ST13: variants seen among roughly 807,000 people sequenced by gnomAD.
ST13 encodes ST13 Hsp70 interacting protein.
In ST13, 23 loss-of-function variants were observed where a neutral mutation model predicts 56.7. That is an observed-to-expected ratio of 0.41 (90% CI 0.29 to 0.57). The LOEUF (loss-of-function observed/expected upper bound fraction) is 0.57, where lower values mean the gene tolerates loss of function less well. Ranked by LOEUF, ST13 falls within the 20% of genes least tolerant of loss-of-function variation. The pLI, the probability that ST13 is intolerant of heterozygous loss-of-function variation, is 0.36. For synonymous variants in ST13, 132 were observed against 142.4 expected, an observed-to-expected ratio of 0.93 and a Z score of 0.52; for missense variants, 369 against 459.9, an observed-to-expected ratio of 0.80 and a Z score of 1.81.
intron 7 of ST13, among the ~76,000 whole-genome samples, chr22:40,833,572 A>C (rs1215897630): frequency 1.3e-5 from 2 of 151,332 alleles, no homozygotes; most frequent in Non-Finnish European, 2.9e-5. Context: ...CTCAAAAAAA[A>C]AAAAAAAAAG....
chr22:40,848,474 T>C (rs941162721), intron 2 of ST13, 105 bp from the exon 3 acceptor site: 2 of 789,862 alleles, frequency 2.5e-6, no homozygotes, highest in Non-Finnish European at 4.2e-6. Flanking sequence ...TGGCCAGGCA[T>C]GGCGGCTCAT....
chr22:40,829,101 C>T (rs958495279), intron 10 of ST13, among the ~76,000 whole-genome samples: 5 of 152,282 alleles, frequency 3.3e-5, no homozygotes, highest in Admixed American at 3.3e-4. Context: ...TGTTGCTGTG[C>T]ACATACTCTT....
In ST13 at chr22:40,856,571, G is replaced by T. The variant is rs750769103; in HGVS notation, c.-31C>A. Reference sequence around the variant, plus strand: ...GGAGGTGGTGGGCGAAACTGGGGGGGCTACGGCCCGGTTCCAGGCCCAGGC... The same window carrying T: ...GGAGGTGGTGGGCGAAACTGGGGGGTCTACGGCCCGGTTCCAGGCCCAGGC... On this transcript the variant is annotated 5_prime_UTR_variant, in exon 1 of 12. Coordinates refer to ENST00000216218, the MANE Select transcript of ST13 (RefSeq NM_003932.5). 3.8e-6 allele frequency: 6 copies of T among 1,581,868 alleles called. No individual in the cohort carries two copies. The highest frequency in any genetic ancestry group is 5.2e-6 in the Non-Finnish European group (6 of 1,153,226).
intron 4 of ST13, 90 bp downstream of exon 4, chr22:40,844,749 T>C: frequency 8.9e-7 from 1 of 1,123,456 alleles, no homozygotes. Flanking sequence ...CTATGCGCTT[T>C]TCCTGGAAGA....
chr22:40,844,477 C>G (rs1489866358), intron 4 of ST13, among the ~76,000 whole-genome samples: 1 of 151,976 alleles, frequency 6.6e-6, no homozygotes, highest in Non-Finnish European at 1.5e-5. Flanking sequence ...AGCCCTCCTC[C>G]CAAGAACCAA....
chr22:40,847,263 G>A (rs2057836627), intron 3 of ST13, among the ~76,000 whole-genome samples: 1 of 132,074 alleles, frequency 7.6e-6, no homozygotes, highest in Admixed American at 8.1e-5. Context: ...GCTGGGCATG[G>A]TGGCTCACAT....
At chr22:40,839,015 T>C (rs1442909588) in intron 5 of ST13, among the ~76,000 whole-genome samples, 1 of 151,944 alleles carries the variant, frequency 6.6e-6, no homozygotes, top group Non-Finnish European at 1.5e-5. Flanking sequence ...AATCCTCTGA[T>C]GAAGATCTTA....
chr22:40,850,954 A>C, intron 1 of ST13, 74 bp from the exon 2 acceptor site: 1 of 1,052,082 alleles, frequency 9.5e-7, no homozygotes, highest in East Asian at 2.5e-5. Context: ...TTTACACCTA[A>C]AAAATAACGT....
At chr22:40,853,497 T>C (rs368510621) in intron 1 of ST13, among the ~76,000 whole-genome samples, 4 of 152,348 alleles carry the variant, frequency 2.6e-5, no homozygotes, top group Admixed American at 6.5e-5. Flanking sequence ...CAAGCTACTT[T>C]CTGGCCAAAA....
chr22:40,846,566 TAAA>T (rs2057832292), intron 3 of ST13, among the ~76,000 whole-genome samples: 1 of 152,206 alleles, frequency 6.6e-6, no homozygotes, highest in Non-Finnish European at 1.5e-5. Flanking sequence ...GAGAGTTGGT[TAAA>T]AAATTTATTG....
chr22:40,841,728 G>A (rs2057805464), intron 4 of ST13, among the ~76,000 whole-genome samples: 1 of 151,718 alleles, frequency 6.6e-6, no homozygotes, highest in African/African-American at 2.4e-5. Context: ...AGTGTAGCTG[G>A]AACTACATGC....
At chr22:40,828,371 G>A (rs536564832) in intron 10 of ST13, among the ~76,000 whole-genome samples, 13 of 151,820 alleles carry the variant, frequency 8.6e-5, no homozygotes, top group Admixed American at 2.6e-4. Flanking sequence ...TTGGGAGGCC[G>A]AGGCGGGCAG....
intron 8 of ST13, among the ~76,000 whole-genome samples, chr22:40,831,770 A>G (rs536352135): frequency 4.6e-5 from 7 of 152,256 alleles, no homozygotes; most frequent in Admixed American, 1.3e-4. Context: ...AAATTATTTT[A>G]ACCAACAATT....
chr22:40,837,345 G>A (rs1279230717), intron 5 of ST13, among the ~76,000 whole-genome samples: 1 of 152,202 alleles, frequency 6.6e-6, no homozygotes, highest in African/African-American at 2.4e-5. Flanking sequence ...GCTGGGCACA[G>A]TGGCTCACGC....
intron 3 of ST13, among the ~76,000 whole-genome samples, chr22:40,846,037 A>G (rs544624948): frequency 7.9e-5 from 12 of 152,254 alleles, no homozygotes; most frequent in Admixed American, 5.2e-4. Flanking sequence ...CCCAGGTTCA[A>G]GCAATTGTCC....
intron 1 of ST13, among the ~76,000 whole-genome samples, chr22:40,851,419 C>T (rs1035703220): frequency 5.7e-4 from 86 of 151,984 alleles, no homozygotes; most frequent in African/African-American, 2.0e-3. Context: ...CCTTATACAC[C>T]CCTCCCAACC....
In ST13 at chr22:40,824,732, G is replaced by C. The variant is rs569771493; in HGVS notation, c.*1806C>G. 6.6e-6 allele frequency: 1 copy of C among 152,156 alleles called. No individual in the cohort carries two copies. Among genetic ancestry groups the C allele is most frequent in the East Asian group, 1.9e-4 (1 of 5,194 alleles). 9.4% of individuals were successfully genotyped at this position (152,156 alleles called of 1,614,324 possible). A position where few individuals can be genotyped will look rare whatever the true frequency, so the allele number is the denominator to read the frequency against. The stretch of plus-strand genomic sequence containing the variant: ...AAGCCAAGTACACACTGGCAATTTC[G>C]AGAAAGGAGAACTCTACACATTAAC... On this transcript the variant is annotated 3_prime_UTR_variant, in exon 12 of 12. Transcript: ENST00000216218.
chr22:40,830,944 C>A lies in ST13; in HGVS notation c.694G>T (p.Ala232Ser). The change falls in exon 9 of 12, where the codon GCA becomes TCA. Residue 232 changes from alanine (A) to serine (S), a missense_variant. Coordinates refer to ENST00000216218, the MANE Select transcript of ST13 (RefSeq NM_003932.5). Reference sequence around the variant, plus strand: ...CGCTCATACTTTCTCCGATGTTCTGCAATTTTCTGTGCCTAGAAAAAAGAG... The same window carrying A: ...CGCTCATACTTTCTCCGATGTTCTGAAATTTTCTGTGCCTAGAAAAAAGAG... ...KEVQPRAQKI[A>S]EHRRKYERKR... The A allele has an allele frequency of 6.3e-7, 1 of 1,599,558 alleles. No individual in the cohort carries two copies. The highest frequency in any genetic ancestry group is 8.5e-7 in the Non-Finnish European group (1 of 1,178,764).
rs749226998 is a variant in ST13, at chr22:40,848,290, T to C, written c.244+4A>G. On this transcript the variant is annotated splice_donor_region_variant and intron_variant, in intron 3 of 11. Coordinates refer to ENST00000216218, the MANE Select transcript of ST13 (RefSeq NM_003932.5). ...CAAATACAAACTAACTACCGTCTCCTCACCTAGATCACTTTCCTCACTTGA... is the reference window on the plus strand; with the variant it reads ...CAAATACAAACTAACTACCGTCTCCCCACCTAGATCACTTTCCTCACTTGA... 6.2e-7 allele frequency: 1 copy of C among 1,608,518 alleles called. No individual in the cohort carries two copies. The highest frequency in any genetic ancestry group is 1.7e-5 in the Admixed American group (1 of 60,012).
Sources: gnomAD v4.1 joint callset for allele counts (sites outside exome capture counted in the v4.1 genomes callset) on GRCh38, gnomAD v4.1.1 for gene constraint, MANE v1.5 for transcripts, NCBI Gene and HGNC (gene_info 2026-07-23, HGNC 2026-07-21) for gene names.